Variants in ALOX12 observed in about 807,000 individuals in gnomAD.
ALOX12 encodes arachidonate 12-lipoxygenase, 12S type, also known as polyunsaturated fatty acid lipoxygenase ALOX12.
ALOX12 carries 62 observed loss-of-function variants against 85.5 expected under a neutral mutation model. The ratio of observed to expected loss-of-function variants is 0.73; its 90% CI spans 0.59 to 0.90. The LOEUF is 0.90. Ranked by LOEUF, ALOX12 falls within the 40% of genes least tolerant of loss-of-function variation. ALOX12 has a pLI of 0.00. For missense variants in ALOX12, 751 were observed against 856.5 expected (o/e 0.88, Z 1.54); for synonymous variants, 299 against 332.7 (o/e 0.90, Z 1.10).
intron 11 of ALOX12, among the ~76,000 whole-genome samples, chr17:7,008,503 T>TA (rs374303782): frequency 6.6e-6 from 1 of 152,166 alleles, no homozygotes; most frequent in African/African-American, 2.4e-5. Flanking sequence ...CCCAGCACTT[T>TA]AGGAGGCCAA....
At chr17:7,009,718 C>A in intron 11 of ALOX12, 29 bp from the exon 12 acceptor site, 1 of 1,581,170 alleles carries the variant, frequency 6.3e-7, no homozygotes, top group Non-Finnish European at 8.7e-7. Context: ...TATGCTGTAG[C>A]TTCTAACTGC....
intron 8 of ALOX12, chr17:7,002,057 A>C: frequency 1.9e-6 from 1 of 527,350 alleles, no homozygotes; most frequent in Non-Finnish European, 3.4e-6. Flanking sequence ...GTAGGGCTTG[A>C]ACACTGCTAG....
intron 9 of ALOX12, 127 bp downstream of exon 9, chr17:7,005,470 A>AT: frequency 5.0e-6 from 2 of 396,438 alleles, no homozygotes; most frequent in South Asian, 3.0e-5. Context: ...TTTTATACCC[A>AT]TGTCTTTTTT....
At chr17:7,003,142 C>A (rs1230273686) in intron 8 of ALOX12, among the ~76,000 whole-genome samples, 1 of 152,220 alleles carries the variant, frequency 6.6e-6, no homozygotes, top group African/African-American at 2.4e-5. Context: ...TTCACACTTA[C>A]AATTCCGTTT....
chr17:7,010,406 AAC>A lies in ALOX12; in HGVS notation c.1977_1978del (p.Asn659LysfsTer32). 1.2e-6 allele frequency: 2 copies of A among 1,614,112 alleles called. No individual in the cohort carries two copies. The highest frequency in any genetic ancestry group is 2.2e-5 in the South Asian group (2 of 91,066). Reference protein sequence around the residue: ...YEYLKPSCIENSVTI With the variant: ...YEYLKPSCIEXSVTI ...ATATCTGAAGCCCAGCTGCATAGAGAACAGTGTCACCATCTGAGCCCTAGAGT... is the reference window on the plus strand; with the variant it reads ...ATATCTGAAGCCCAGCTGCATAGAGAAGTGTCACCATCTGAGCCCTAGAGT... On this transcript the variant is annotated frameshift_variant, in exon 14 of 14. Coordinates refer to ENST00000251535, the MANE Select transcript of ALOX12 (RefSeq NM_000697.3). LOFTEE classifies it high-confidence loss of function.
At position 7,005,297 on chromosome 17, in the gene ALOX12, C is replaced by G; in HGVS notation, c.1202C>G (p.Thr401Ser). Residue 401 changes from threonine (T) to serine (S), a missense_variant, in exon 9 of 14, where the codon ACC (threonine) becomes AGC (serine). By Grantham distance (58) the Thr-to-Ser change is moderately conservative (BLOSUM62 1). Coordinates refer to ENST00000251535, the MANE Select transcript of ALOX12 (RefSeq NM_000697.3). Reference protein sequence around the residue: ...PHIRYTMEINTRARTQLISDG... With the variant: ...PHIRYTMEINSRARTQLISDG... ...ATCCGCTACACCATGGAAATCAACA[C>G]CCGGGCCCGGACCCAACTCATCTCA... 6.2e-7 allele frequency: 1 copy of G among 1,613,908 alleles called. No homozygotes were observed. Among genetic ancestry groups the G allele is most frequent in the African/African-American group, 1.3e-5 (1 of 75,004 alleles).
chr17:7,009,428 A>G (rs1240858173), intron 11 of ALOX12: 6 of 251,698 alleles, frequency 2.4e-5, no homozygotes, highest in East Asian at 1.9e-4. Flanking sequence ...TCAGCCCCCA[A>G]TCCTTCCATA....
Position 7,010,589 on chromosome 17 carries a change from C to G in ALOX12, c.*166C>G. The G allele has an allele frequency of 1.2e-6, 1 of 815,068 alleles. No individual in the cohort carries two copies. The highest frequency in any genetic ancestry group is 1.8e-6 in the Non-Finnish European group (1 of 545,004). 50.5% of individuals were successfully genotyped at this position (815,068 alleles called of 1,614,324 possible). ...CTAGCCCAGGGGAGCAGTAAACTTT[C>G]TCTGCAAAGACTAGATCCTTTTTTA... On this transcript the variant is annotated 3_prime_UTR_variant, in exon 14 of 14. Coordinates refer to ENST00000251535, the MANE Select transcript of ALOX12 (RefSeq NM_000697.3).
chr17:7,010,584 A>G lies in ALOX12; in HGVS notation c.*161A>G, dbSNP rs1452612277. On this transcript the variant is annotated 3_prime_UTR_variant, in exon 14 of 14. Coordinates refer to ENST00000251535, the MANE Select transcript of ALOX12 (RefSeq NM_000697.3). The stretch of plus-strand genomic sequence containing the variant: ...TCCCACTAGCCCAGGGGAGCAGTAA[A>G]CTTTCTCTGCAAAGACTAGATCCTT... 2 of 851,848 alleles carry G rather than the reference A, an allele frequency of 2.3e-6. No homozygotes were observed. Among genetic ancestry groups the G allele is most frequent in the Non-Finnish European group, 1.7e-6 (1 of 578,654 alleles). The allele number at this position is 851,848 out of a possible 1,614,324, so 52.8% of individuals were successfully genotyped here. A position where few individuals can be genotyped will look rare whatever the true frequency, so the allele number is the denominator to read the frequency against.
In ALOX12 at chr17:6,998,495, T is replaced by C. The variant is rs1659375318; in HGVS notation, c.338-14T>C. The C allele has an allele frequency of 6.3e-7, 1 of 1,599,084 alleles. No homozygotes were observed. The highest frequency in any genetic ancestry group is 1.7e-5 in the Admixed American group (1 of 59,784). On this transcript the variant is annotated splice_polypyrimidine_tract_variant and intron_variant, in intron 2 of 13. Coordinates refer to ENST00000251535, the MANE Select transcript of ALOX12 (RefSeq NM_000697.3). ...GACAGAGCCGTGAGGCCAATTGTCT[T>C]GATGTCTCCCCAGCCCGCCTGCCAG...
rs762491327 is a variant in ALOX12, at chr17:7,006,057, G to GGT, written c.1418+31_1418+32insTG. Reference sequence around the variant, plus strand: ...GTAAGGAGGAGCTGAGAAATGGTGGGGCCGGGGGGGGGGGGGGCTCTGGCC... The same window carrying GGT: ...GTAAGGAGGAGCTGAGAAATGGTGGGGTGCCGGGGGGGGGGGGGGCTCTGGCC... On this transcript the variant is annotated intron_variant, in intron 10 of 13. Coordinates refer to ENST00000251535, the MANE Select transcript of ALOX12 (RefSeq NM_000697.3). 29 of 202,900 alleles carry GGT rather than the reference G, an allele frequency of 1.4e-4. 9 individuals carry two copies. The highest frequency in any genetic ancestry group is 2.6e-4 in the Non-Finnish European group (24 of 92,714). The allele number at this position is 202,900 out of a possible 1,614,324, so 12.6% of individuals were successfully genotyped here. A position where few individuals can be genotyped will look rare whatever the true frequency, so the allele number is the denominator to read the frequency against.
chr17:7,004,019 C>T (rs953021290), intron 8 of ALOX12, among the ~76,000 whole-genome samples: 1 of 150,114 alleles, frequency 6.7e-6, no homozygotes, highest in Non-Finnish European at 1.5e-5. Flanking sequence ...AGGACCATGC[C>T]TTTTTTAATA....
At chr17:7,001,925 G>C (rs1597321453) in intron 8 of ALOX12, 114 bp downstream of exon 8, 2 of 826,460 alleles carry the variant, frequency 2.4e-6, no homozygotes, top group Non-Finnish European at 3.8e-6. Flanking sequence ...TGAGTGAAGA[G>C]GAGACTGTCT....
chr17:6,999,535 C>A, intron 6 of ALOX12, 69 bp downstream of exon 6: 3 of 1,543,194 alleles, frequency 1.9e-6, no homozygotes, highest in Non-Finnish European at 2.7e-6. Context: ...CAGAGAGAAT[C>A]CAAACTGAGT....
rs371983383 is a variant in ALOX12 at position 6,998,468 on chromosome 17, C to T, written c.338-41C>T. 119 of 1,377,726 alleles carry T rather than the reference C, an allele frequency of 8.6e-5. 1 individual carries two copies. In the South Asian group the frequency reaches 9.7e-4, roughly 11 times the overall value. The allele number at this position is 1,377,726 out of a possible 1,614,324, so 85.3% of individuals were successfully genotyped here. On this transcript the variant is annotated intron_variant, in intron 2 of 13. Coordinates refer to ENST00000251535, the MANE Select transcript of ALOX12 (RefSeq NM_000697.3). ...TGAGGACAAGAGGCGGGCATAGGAC[C>T]AGACAGAGCCGTGAGGCCAATTGTC...
At chr17:7,009,485 A>G in intron 11 of ALOX12, 1 of 426,472 alleles carries the variant, frequency 2.3e-6, no homozygotes, top group East Asian at 4.0e-5. Context: ...AGACCAGGTG[A>G]TTTTGATACA....
chr17:7,001,470 GT>G (rs1337167454), intron 7 of ALOX12, 131 bp from the exon 8 acceptor site: 6 of 975,960 alleles, frequency 6.1e-6, no homozygotes, highest in African/African-American at 1.6e-5. Context: ...GGCTGGGAGG[GT>G]TCACAGTCCT....
At chr17:7,004,347 T>A (rs1276554607) in intron 8 of ALOX12, among the ~76,000 whole-genome samples, 2 of 108,708 alleles carry the variant, frequency 1.8e-5, no homozygotes, top group African/African-American at 3.4e-5. Context: ...AATTAAATTT[T>A]AATATTTTTA....
At position 6,999,153 on chromosome 17, in the gene ALOX12, C is replaced by CT. The variant is rs1284345589; in HGVS notation, c.646+99dup. The CT allele has an allele frequency of 1.9e-5, 28 of 1,479,424 alleles. 1 individual carries two copies. The African/African-American group carries it at 3.6e-4, about 19-fold the overall frequency. 91.6% of individuals were successfully genotyped at this position (1,479,424 alleles called of 1,614,324 possible). On this transcript the variant is annotated intron_variant, in intron 5 of 13. Transcript: ENST00000251535. ...CCCGTAACTCTTTGCAAGAAGAGAC[C>CT]TTATCATATCTGGTCAACTCAGAGA...
Sources: allele counts gnomAD v4.1 joint callset (sites outside exome capture counted in the v4.1 genomes callset), GRCh38; gene constraint gnomAD v4.1.1; transcripts MANE v1.5; gene names NCBI Gene and HGNC (gene_info 2026-07-23, HGNC 2026-07-21).